SEPTIN11: variants seen among roughly 807,000 people sequenced by gnomAD.
The protein encoded by SEPTIN11 is septin 11, also known as septin-11.
A neutral mutation model predicts 51.4 loss-of-function variants in SEPTIN11; 25 were observed. The observed-to-expected ratio is 0.49, with a 90% CI of 0.35 to 0.68. The LOEUF (loss-of-function observed/expected upper bound fraction) is 0.68. Among genes scored for constraint, SEPTIN11 ranks in the 30% least tolerant of loss-of-function variants. The pLI, the probability that SEPTIN11 is intolerant of heterozygous loss-of-function variation, is 0.00. For synonymous variants in SEPTIN11, 174 were observed against 184.1 expected (o/e 0.95, Z 0.44); for missense variants, 381 against 520.8 (o/e 0.73, Z 2.61).
chr4:76,981,410 A>G (rs1191707332), intron 1 of SEPTIN11, among the ~76,000 whole-genome samples: 1 of 152,220 alleles, frequency 6.6e-6, no homozygotes, highest in Non-Finnish European at 1.5e-5. Flanking sequence ...AAAATCTTCT[A>G]TCAATAGGAG....
rs115722336 is a variant in SEPTIN11 at position 76,981,384 on chromosome 4, A to C, written c.28-15041A>C. ...TTGTTTTGCATTAACTGATCAAGAC[A>C]AGAAAGCCAGCATATAAAATCTTCT... On this transcript the variant is annotated intron_variant, in intron 1 of 9. Coordinates refer to ENST00000264893, the MANE Select transcript of SEPTIN11 (RefSeq NM_018243.4). 8.5e-3 allele frequency among the ~76,000 whole-genome samples: 1,288 copies of C among 152,356 alleles called. 12 individuals carry two copies. Among genetic ancestry groups the C allele is most frequent in the African/African-American group, 0.029 (1,218 of 41,582 alleles).
At chr4:76,977,468 G>T (rs552766336) in intron 1 of SEPTIN11, among the ~76,000 whole-genome samples, 1 of 152,202 alleles carries the variant, frequency 6.6e-6, no homozygotes, top group Admixed American at 6.5e-5. Context: ...AACAGCACAA[G>T]TGAAATTACC....
downstream of SEPTIN11, chr4:77,039,648 TA>T (rs34178169): frequency 0.012 from 9,896 of 795,700 alleles, 246 homozygotes; most frequent in African/African-American, 0.1. Context: ...TTGGGGTTTT[TA>T]AAAAAAAAAA....
intron 3 of SEPTIN11, among the ~76,000 whole-genome samples, chr4:77,008,652 G>A (rs1022073651): frequency 1.3e-5 from 2 of 152,104 alleles, no homozygotes; most frequent in East Asian, 3.8e-4. Context: ...TTTTTCCATC[G>A]GTTTTAGGGT....
chr4:76,987,402 G>A (rs1478682816), intron 1 of SEPTIN11, among the ~76,000 whole-genome samples: 2 of 152,130 alleles, frequency 1.3e-5, no homozygotes, highest in East Asian at 3.9e-4. Flanking sequence ...CATCTTTAAA[G>A]AATGCAATTC....
At chr4:76,958,984 C>G (rs1721685872) in intron 1 of SEPTIN11, 1 of 848,514 alleles carries the variant, frequency 1.2e-6, no homozygotes, top group Non-Finnish European at 2.0e-6. Flanking sequence ...AAGCAACATC[C>G]TGACAGTCAT....
rs1210505521 is a variant in SEPTIN11 at position 76,949,880 on chromosome 4, G to A, written c.-24G>A. The A allele has an allele frequency of 6.6e-7, 1 of 1,522,168 alleles. No individual in the cohort carries two copies. Among genetic ancestry groups the A allele is most frequent in the Non-Finnish European group, 8.8e-7 (1 of 1,142,258 alleles). 94.3% of individuals were successfully genotyped at this position (1,522,168 alleles called of 1,614,324 possible). ...AGTCGGCGTAAAGCACCCGGGCGCA[G>A]CCGGAGCCGGTGCCGCAGCTGCGAT... On this transcript the variant is annotated 5_prime_UTR_variant, in exon 1 of 10. Transcript: ENST00000264893.
At chr4:77,001,623 T>G (rs1052211843) in intron 2 of SEPTIN11, among the ~76,000 whole-genome samples, 1 of 152,222 alleles carries the variant, frequency 6.6e-6, no homozygotes, top group African/African-American at 2.4e-5. Flanking sequence ...GTGTTGAGAT[T>G]ACAGGCGTGA....
At chr4:76,986,192 A>G (rs1423675932) in intron 1 of SEPTIN11, among the ~76,000 whole-genome samples, 1 of 152,060 alleles carries the variant, frequency 6.6e-6, no homozygotes, top group African/African-American at 2.4e-5. Flanking sequence ...TGCAGATTTT[A>G]TCAGATGCAT....
chr4:77,020,479 G>T (rs777603132), intron 6 of SEPTIN11, 23 bp from the exon 7 acceptor site: 1 of 1,610,814 alleles, frequency 6.2e-7, no homozygotes, highest in Non-Finnish European at 8.5e-7. Context: ...TCCCACTTCC[G>T]CCATTTCCCC....
At position 77,037,065 on chromosome 4, in the gene SEPTIN11, G is replaced by A. The variant is rs1429956509; in HGVS notation, c.*2553G>A. 2.4e-5 allele frequency: 28 copies of A among 1,151,588 alleles called. No homozygotes were observed. Among genetic ancestry groups the A allele is most frequent in the East Asian group, 9.3e-5 (2 of 21,416 alleles). The allele number at this position is 1,151,588 out of a possible 1,614,324, so 71.3% of individuals were successfully genotyped here. ...CTTCTTGACCTGAATTTGGAAATCC[G>A]AAATTACTAATCCAGGCCAGGTGTG... On this transcript the variant is annotated 3_prime_UTR_variant, in exon 10 of 10. Coordinates refer to ENST00000264893, the MANE Select transcript of SEPTIN11 (RefSeq NM_018243.4).
intron 7 of SEPTIN11, among the ~76,000 whole-genome samples, chr4:77,023,269 T>TATACAC (rs1553976964): frequency 2.2e-5 from 3 of 139,256 alleles, no homozygotes; most frequent in African/African-American, 7.9e-5. Context: ...GGAAAATGTA[T>TATACAC]ACACACACAC....
intron 1 of SEPTIN11, among the ~76,000 whole-genome samples, chr4:76,954,052 C>G (rs975283022): frequency 6.6e-6 from 1 of 152,158 alleles, no homozygotes; most frequent in Non-Finnish European, 1.5e-5. Context: ...GAAGTGGATG[C>G]TTAGTGTTTG....
chr4:76,959,848 G>A (rs549700865), intron 1 of SEPTIN11, among the ~76,000 whole-genome samples: 185 of 152,106 alleles, frequency 1.2e-3, no homozygotes, highest in Non-Finnish European at 2.3e-3. Context: ...ATTTTATTTT[G>A]AATTTTTTAT....
At chr4:77,001,556 G>T (rs907702004) in intron 2 of SEPTIN11, among the ~76,000 whole-genome samples, 1 of 152,084 alleles carries the variant, frequency 6.6e-6, no homozygotes, top group African/African-American at 2.4e-5. Flanking sequence ...CACCATGTTG[G>T]CCAGGATGGT....
At chr4:77,022,092 A>G (rs1725759256) in intron 7 of SEPTIN11, among the ~76,000 whole-genome samples, 1 of 152,234 alleles carries the variant, frequency 6.6e-6, no homozygotes, top group African/African-American at 2.4e-5. Context: ...TGCATTTACC[A>G]GAAAATAATC....
intron 1 of SEPTIN11, chr4:76,958,710 T>TTTG (rs773355933): frequency 3.1e-5 from 17 of 541,134 alleles, no homozygotes; most frequent in Non-Finnish European, 4.7e-5. Context: ...AGACGCGGTT[T>TTTG]TTGTTGTTGT....
At chr4:77,020,214 G>C (rs1327519411) in intron 6 of SEPTIN11, among the ~76,000 whole-genome samples, 1 of 152,194 alleles carries the variant, frequency 6.6e-6, no homozygotes, top group Non-Finnish European at 1.5e-5. Context: ...CTAGTTGGCA[G>C]AGTTATTATG....
chr4:76,979,586 A>T (rs1722663686), intron 1 of SEPTIN11, among the ~76,000 whole-genome samples: 1 of 152,104 alleles, frequency 6.6e-6, no homozygotes, highest in East Asian at 1.9e-4. Flanking sequence ...GAAGGTTTTT[A>T]AAAGGGCAAA....
Sources: gnomAD v4.1 joint callset for allele counts (sites outside exome capture counted in the v4.1 genomes callset) on GRCh38, gnomAD v4.1.1 for gene constraint, MANE v1.5 for transcripts, NCBI Gene and HGNC (gene_info 2026-07-23, HGNC 2026-07-21) for gene names.